INSRR: variants seen among roughly 807,000 people sequenced by gnomAD.
The protein encoded by INSRR is insulin receptor related receptor, also known as insulin receptor-related protein.
In INSRR, 114 loss-of-function variants were observed where a neutral mutation model predicts 130.0. The ratio of observed to expected loss-of-function variants is 0.88; its 90% CI spans 0.75 to 1.02. INSRR has a LOEUF of 1.02. INSRR is among the 50% of genes least tolerant of loss of function. The probability of loss-of-function intolerance (pLI) is 0.00; values close to 1 mark genes in which losing one functional copy is unlikely to be tolerated. For synonymous variants in INSRR, 674 were observed against 705.2 expected, an observed-to-expected ratio of 0.96 and a Z score of 0.70; for missense variants, 1,657 against 1,735.2, an observed-to-expected ratio of 0.95 and a Z score of 0.80.
At chr1:156,858,448 G>A in intron 1 of INSRR, 89 bp downstream of exon 1, 1 of 913,978 alleles carries the variant, frequency 1.1e-6, no homozygotes. Context: ...CAGAGTAAGT[G>A]GAGGTGCTGT....
chr1:156,846,263 TG>T, intron 8 of INSRR, 144 bp from the exon 9 acceptor site: 6 of 942,154 alleles, frequency 6.4e-6, no homozygotes, highest in Non-Finnish European at 9.3e-6. Flanking sequence ...TAGAACTCAG[TG>T]TTTTGTTTCT....
At position 156,854,544 on chromosome 1, in the gene INSRR, T is replaced by C. The variant is rs1655344529; in HGVS notation, c.86-241A>G. ...CTCCTGATCCTCTCTCCCAAGCCCA[T>C]CTCCCCTTCTTGGTTAATAGCGACT... On this transcript the variant is annotated intron_variant, in intron 1 of 21. Transcript: ENST00000368195. This position sits in a 1 kb window ranked among gnomAD's most constrained non-coding sequence, Gnocchi z 4.2. Among the ~76,000 whole-genome samples the C allele has an allele frequency of 6.6e-6, 1 of 151,858 alleles. No individual in the cohort carries two copies. The highest frequency in any genetic ancestry group is 2.4e-5 in the African/African-American group (1 of 41,336).
At chr1:156,856,419 A>C (rs1655406507) in intron 1 of INSRR, among the ~76,000 whole-genome samples, 1 of 152,188 alleles carries the variant, frequency 6.6e-6, no homozygotes, top group South Asian at 2.1e-4. Context: ...ATTACTCTTG[A>C]AAGGACATTC....
At chr1:156,849,513 G>GGGGGGGGGT in intron 5 of INSRR, 53 bp from the exon 6 acceptor site, 2 of 486,122 alleles carry the variant, frequency 4.1e-6, no homozygotes, top group Non-Finnish European at 8.3e-6. Context: ...CAGGGGGTGG[G>GGGGGGGGGT]AAAGGGGATG....
chr1:156,844,736 A>G lies in INSRR; in HGVS notation c.2545T>C (p.Tyr849His). ...PPDPNGLILK[Y>H]EIKYRRLGEE... is the part of the protein sequence containing the mutation. ...CCCAAGCGGCGGTACTTGATTTCGT[A>G]CTTGAGGATGAGTCCGTTGGGGTCT... Residue 849 changes from tyrosine (Y) to histidine (H), a missense_variant, in exon 13 of 22, where the codon TAC becomes CAC. Physicochemically the swap from Tyr to His is moderately conservative, Grantham distance 83. Coordinates refer to ENST00000368195, the MANE Select transcript of INSRR (RefSeq NM_014215.3). The G allele has an allele frequency of 6.2e-7, 1 of 1,614,050 alleles. No homozygotes were observed. Among genetic ancestry groups the G allele is most frequent in the Non-Finnish European group, 8.5e-7 (1 of 1,180,018 alleles).
chr1:156,845,057 G>T lies in INSRR; in HGVS notation c.2437+19C>A. On this transcript the variant is annotated intron_variant, in intron 12 of 21. Coordinates refer to ENST00000368195, the MANE Select transcript of INSRR (RefSeq NM_014215.3). ...GGGGTCGGTGATGGGGGTAGAAGGT[G>T]TGTGTGTGGATCACCTACTGTGGGG... is the stretch of plus-strand genomic sequence containing the variant. The T allele has an allele frequency of 1.3e-6, 2 of 1,593,860 alleles. No individual in the cohort carries two copies. Among genetic ancestry groups the T allele is most frequent in the Non-Finnish European group, 8.5e-7 (1 of 1,170,970 alleles).
rs184789044 is a variant in INSRR at position 156,841,651 on chromosome 1, C to T, written c.3527+14G>A. The T allele has an allele frequency of 1.9e-6, 3 of 1,612,930 alleles. No individual in the cohort carries two copies. Among genetic ancestry groups the T allele is most frequent in the South Asian group, 2.2e-5 (2 of 91,036 alleles). On this transcript the variant is annotated intron_variant, in intron 20 of 21. Coordinates refer to ENST00000368195, the MANE Select transcript of INSRR (RefSeq NM_014215.3). ...TCCACATCCCTGGAGCCCTGTGCTC[C>T]AGCTCGGCCCCACCAGACATCCGAG...
intron 1 of INSRR, among the ~76,000 whole-genome samples, chr1:156,858,016 C>T (rs973581332): frequency 1.3e-5 from 2 of 152,158 alleles, no homozygotes; most frequent in African/African-American, 4.8e-5. Flanking sequence ...CAAAACCAGC[C>T]TTCCTCCCTG....
chr1:156,843,574 A>T (rs1654879295), intron 15 of INSRR, 95 bp from the exon 16 acceptor site: 5 of 1,300,634 alleles, frequency 3.8e-6, no homozygotes, highest in Non-Finnish European at 5.6e-6. Context: ...AGGAGGAGGG[A>T]AGTTACTGAC....
Position 156,851,411 on chromosome 1 carries a change from G to A in INSRR, c.1108C>T (p.His370Tyr). 1 of 1,614,208 alleles carries A rather than the reference G, an allele frequency of 6.2e-7. No individual in the cohort carries two copies. The highest frequency in any genetic ancestry group is 1.3e-5 in the African/African-American group (1 of 75,050). Residue 370 changes from histidine (H) to tyrosine (Y), a missense_variant, in exon 5 of 22, where the codon CAC becomes TAC. By Grantham distance (83) the His-to-Tyr change is moderately conservative. Coordinates refer to ENST00000368195, the MANE Select transcript of INSRR (RefSeq NM_014215.3). ...QGYNLEPQLQ[H>Y]SLGLVETITG... is the part of the protein sequence containing the mutation. ...ATGGTTTCTACCAGCCCCAGGCTGT[G>A]CTGCAGCTGTGGCTCCAGGTTGTCT...
In INSRR at chr1:156,858,775, G is replaced by A. The variant is rs2102875608; in HGVS notation, c.-154C>T. 3 of 640,380 alleles carry A rather than the reference G, an allele frequency of 4.7e-6. No homozygotes were observed. The highest frequency in any genetic ancestry group is 6.8e-4 in the Middle Eastern group (2 of 2,920). 39.7% of individuals were successfully genotyped at this position (640,380 alleles called of 1,614,324 possible). On this transcript the variant is annotated 5_prime_UTR_variant, in exon 1 of 22. Transcript: ENST00000368195. ...CAAGGAATCCCACACAGAGACAGCA[G>A]GAGACAGAAAAAAAGAAATGAGAGT... is the stretch of plus-strand genomic sequence containing the variant.
In INSRR at chr1:156,846,713, C is replaced by T; in HGVS notation, c.1616G>A (p.Gly539Glu). 6.2e-7 allele frequency: 1 copy of T among 1,614,078 alleles called. No individual in the cohort carries two copies. The highest frequency in any genetic ancestry group is 8.5e-7 in the Non-Finnish European group (1 of 1,180,042). The change falls in exon 8 of 22, where the codon GGA becomes GAA. Residue 539 changes from glycine (G) to glutamate (E), a missense_variant. Physicochemically the swap from Gly to Glu is moderately conservative, Grantham distance 98 (BLOSUM62 -2). Coordinates refer to ENST00000368195, the MANE Select transcript of INSRR (RefSeq NM_014215.3). ...ATEHVGPDAC[G>E]TQSWNLLDVE... Reference sequence around the variant, plus strand: ...ATCCAGCAGGTTCCAGCTCTGGGTTCCACAAGCATCTGGACCCACGTGCTC... The same window carrying T: ...ATCCAGCAGGTTCCAGCTCTGGGTTTCACAAGCATCTGGACCCACGTGCTC...
In INSRR at chr1:156,856,046, T is replaced by C. The variant is rs137977629; in HGVS notation, c.86-1743A>G. The stretch of plus-strand genomic sequence containing the variant: ...TACTTGAACTCCTGGCCTCTTCAAG[T>C]AATCCCTCTGCCTCGGCCTCCCAAA... On this transcript the variant is annotated intron_variant, in intron 1 of 21. Coordinates refer to ENST00000368195, the MANE Select transcript of INSRR (RefSeq NM_014215.3). Among the ~76,000 whole-genome samples the C allele has an allele frequency of 7.9e-5, 12 of 152,154 alleles. No homozygotes were observed. In the East Asian group the frequency reaches 2.1e-3, roughly 27 times the overall value.
chr1:156,843,090 T>C lies in INSRR; in HGVS notation c.3040A>G (p.Thr1014Ala). The C allele has an allele frequency of 6.2e-7, 1 of 1,614,158 alleles. No homozygotes were observed. Among genetic ancestry groups the C allele is most frequent in the Non-Finnish European group, 8.5e-7 (1 of 1,180,036 alleles). Residue 1014 changes from threonine to alanine, a missense_variant, in exon 17 of 22, where the codon ACG (threonine) becomes GCG (alanine). Thr to Ala is a moderately conservative substitution (Grantham distance 58, BLOSUM62 0). Transcript: ENST00000368195. ...CGTGGGCTGGCCAGCTCATTCACCG[T>C]CTTCAGGGCCACGGGTGTGGACTCC... is the stretch of plus-strand genomic sequence containing the variant. ...GEESTPVALK[T>A]VNELASPREC...
In INSRR at chr1:156,849,245, C is replaced by A; in HGVS notation, c.1444+1G>T. On this transcript the variant is annotated splice_donor_variant, in intron 6 of 21. Coordinates refer to ENST00000368195, the MANE Select transcript of INSRR (RefSeq NM_014215.3). LOFTEE classifies it high-confidence loss of function. Reference sequence around the variant, plus strand: ...CACCGGCACTGGGGTTGGGGTCTCACAGGCGGCGCGGTCTCCGTTGGTGCG... The same window carrying A: ...CACCGGCACTGGGGTTGGGGTCTCAAAGGCGGCGCGGTCTCCGTTGGTGCG... 3 of 1,613,582 alleles carry A rather than the reference C, an allele frequency of 1.9e-6. No homozygotes were observed. The highest frequency in any genetic ancestry group is 2.5e-6 in the Non-Finnish European group (3 of 1,179,994).
intron 15 of INSRR, among the ~76,000 whole-genome samples, chr1:156,843,908 G>A (rs1257320600): frequency 6.6e-6 from 1 of 152,212 alleles, no homozygotes; most frequent in African/African-American, 2.4e-5. Flanking sequence ...GTGAGAGTGT[G>A]GTGACCAACA....
rs920910893 is a variant in INSRR, at chr1:156,854,674, T to C, written c.86-371A>G. 5.3e-5 allele frequency among the ~76,000 whole-genome samples: 8 copies of C among 152,186 alleles called. No homozygotes were observed. The highest frequency in any genetic ancestry group is 1.9e-4 in the African/African-American group (8 of 41,512). On this transcript the variant is annotated intron_variant, in intron 1 of 21. Transcript: ENST00000368195. The surrounding 1 kb of genome is among the most constrained non-coding windows in gnomAD (Gnocchi z 4.2). ...TTTTTCACCTTGTACGTCCTGTGGG[T>C]TTATCTTTAAAATATGTCCAGGATC...
At chr1:156,843,519 C>T in intron 15 of INSRR, 40 bp from the exon 16 acceptor site, 1 of 1,596,912 alleles carries the variant, frequency 6.3e-7, no homozygotes. Flanking sequence ...GAAGGGTTCT[C>T]AGGAAGGAAT....
At chr1:156,849,626 T>G (rs1317294412) in intron 5 of INSRR, among the ~76,000 whole-genome samples, 166 bp from the exon 6 acceptor site, 2 of 152,210 alleles carry the variant, frequency 1.3e-5, no homozygotes, top group Non-Finnish European at 2.9e-5. Context: ...ATACCCACTC[T>G]GTGCCACTGA....
Sources: allele counts gnomAD v4.1 joint callset (sites outside exome capture counted in the v4.1 genomes callset), GRCh38; gene constraint gnomAD v4.1.1; non-coding constraint Gnocchi (gnomAD v3.1); transcripts MANE v1.5; gene names NCBI Gene and HGNC (gene_info 2026-07-23, HGNC 2026-07-21).